The following XKR9 variants were observed in gnomAD, a reference collection of about 807,000 sequenced individuals.
The protein encoded by XKR9 is XK-related protein 9.
Under a neutral mutation model 32.0 loss-of-function variants are expected in XKR9, and 32 were observed. That is an observed-to-expected ratio of 1.00 (90% CI 0.76 to 1.34). The LOEUF (loss-of-function observed/expected upper bound fraction) is 1.34. Ranked by LOEUF, XKR9 falls within the 40% of genes most tolerant of loss-of-function variation. The probability of loss-of-function intolerance (pLI) is 0.00; values close to 1 mark genes in which losing one functional copy is unlikely to be tolerated. For missense variants in XKR9, 546 were observed against 429.7 expected, an observed-to-expected ratio of 1.27 and a Z score of -2.39; for synonymous variants, 168 against 143.4, an observed-to-expected ratio of 1.17 and a Z score of -1.22.
the XKR9 span, among the ~76,000 whole-genome samples, chr8:71,015,920 A>T: frequency 1.3e-5 from 2 of 152,184 alleles, no homozygotes; most frequent in Non-Finnish European, 2.9e-5. Flanking sequence ...TGTTTACTAT[A>T]TAGAAAAGGG....
chr8:70,793,130 T>G (rs563570007), downstream of XKR9, among the ~76,000 whole-genome samples: 1 of 152,248 alleles, frequency 6.6e-6, no homozygotes, highest in South Asian at 2.1e-4. Flanking sequence ...GGCATTCAAA[T>G]TCATTCTTTT....
At chr8:70,739,326 C>T (rs1563462476), downstream of XKR9, among the ~76,000 whole-genome samples, 2 of 152,140 alleles carry the variant, frequency 1.3e-5, no homozygotes, top group South Asian at 2.1e-4. Flanking sequence ...CTTGGTACAT[C>T]TTCCTCCATC....
chr8:71,049,235 T>C, the XKR9 span, among the ~76,000 whole-genome samples: 1 of 152,178 alleles, frequency 6.6e-6, no homozygotes. Flanking sequence ...TGGTATAACA[T>C]TGTACTTGAT....
chr8:70,863,036 T>G, the XKR9 span, among the ~76,000 whole-genome samples: 1 of 152,074 alleles, frequency 6.6e-6, no homozygotes, highest in Non-Finnish European at 1.5e-5. Context: ...AAGTTAGTGT[T>G]GTCAGCGTGC....
In XKR9 at chr8:70,734,559, ATAG is replaced by A. The variant is rs751042925; in HGVS notation, c.*141_*143del. 7.9e-5 allele frequency: 90 copies of A among 1,134,166 alleles called. No individual in the cohort carries two copies. The African/African-American group carries it at 1.1e-3, about 14-fold the overall frequency. The allele number at this position is 1,134,166 out of a possible 1,614,324, so 70.3% of individuals were successfully genotyped here. A position where few individuals can be genotyped will look rare whatever the true frequency, so the allele number is the denominator to read the frequency against. ...ATTAGTTCAGTGAAATAGGAGATAC[ATAG>A]TAGTATTTTATTTTTAAAATTAATT... On this transcript the variant is annotated 3_prime_UTR_variant, in exon 5 of 5. Coordinates refer to ENST00000408926, the MANE Select transcript of XKR9 (RefSeq NM_001011720.2).
chr8:71,031,055 T>G, the XKR9 span, among the ~76,000 whole-genome samples: 1 of 152,294 alleles, frequency 6.6e-6, no homozygotes, highest in South Asian at 2.1e-4. Flanking sequence ...TGTGTATAAC[T>G]TACCCTTCCA....
chr8:70,744,294 G>C (rs1025759837), intron 2 of XKR9, among the ~76,000 whole-genome samples: 2 of 144,788 alleles, frequency 1.4e-5, no homozygotes, highest in Non-Finnish European at 3.0e-5. Context: ...CTGGGTGACA[G>C]AGCGAGACTT....
intron 2 of XKR9, among the ~76,000 whole-genome samples, chr8:70,780,431 C>T (rs1586895886): frequency 6.6e-6 from 1 of 152,114 alleles, no homozygotes; most frequent in South Asian, 2.1e-4. Context: ...ATTGTGTTCT[C>T]ATTATTCTTT....
At chr8:70,926,996 T>C in the XKR9 span, among the ~76,000 whole-genome samples, 2 of 152,152 alleles carry the variant, frequency 1.3e-5, no homozygotes, top group Admixed American at 6.5e-5. Flanking sequence ...ATTTCATATG[T>C]ATAAAATAAA....
At chr8:71,021,566 G>T in the XKR9 span, among the ~76,000 whole-genome samples, 3 of 140,740 alleles carry the variant, frequency 2.1e-5, no homozygotes, top group Admixed American at 7.5e-5. Context: ...GCAGTGGCGC[G>T]ATCTCGACTC....
chr8:70,957,783 C>CTTTTTTTTT, the XKR9 span, among the ~76,000 whole-genome samples: 7 of 84,790 alleles, frequency 8.3e-5, no homozygotes, highest in Non-Finnish European at 1.6e-4. Context: ...TTCAGTCTAT[C>CTTTTTTTTT]TTTTTTTTTT....
At chr8:71,053,599 A>G in the XKR9 span, among the ~76,000 whole-genome samples, 4 of 151,678 alleles carry the variant, frequency 2.6e-5, no homozygotes, top group Non-Finnish European at 4.4e-5. Context: ...TCTGATTGAC[A>G]CCTACTCCCT....
chr8:70,965,312 G>A, the XKR9 span, among the ~76,000 whole-genome samples: 1 of 152,158 alleles, frequency 6.6e-6, no homozygotes. Context: ...TTATCATGGT[G>A]AATAAGCTTT....
chr8:70,981,034 T>C, the XKR9 span, among the ~76,000 whole-genome samples: 2 of 152,206 alleles, frequency 1.3e-5, no homozygotes, highest in Non-Finnish European at 2.9e-5. Flanking sequence ...TTTTCCTTTA[T>C]AGGTTACCTG....
intron 3 of XKR9, among the ~76,000 whole-genome samples, chr8:70,695,623 T>G (rs899621402): frequency 1.4e-4 from 21 of 152,020 alleles, no homozygotes; most frequent in African/African-American, 5.1e-4. Context: ...TTGTGAATAG[T>G]GCTGCAATAA....
At chr8:71,004,410 A>C in the XKR9 span, among the ~76,000 whole-genome samples, 1 of 152,192 alleles carries the variant, frequency 6.6e-6, no homozygotes, top group Non-Finnish European at 1.5e-5. Flanking sequence ...TATGTGAGGC[A>C]GGGTTGGCTT....
the XKR9 span, among the ~76,000 whole-genome samples, chr8:70,801,440 C>T: frequency 1.7e-3 from 257 of 152,224 alleles, 1 homozygote; most frequent in Middle Eastern, 3.4e-3. Context: ...CATTCAGGAG[C>T]AGGTTGTTTA....
chr8:70,885,352 A>G, the XKR9 span, among the ~76,000 whole-genome samples: 9,579 of 152,216 alleles, frequency 0.063, 421 homozygotes, highest in Non-Finnish European at 0.089. Context: ...TCTGTTGATT[A>G]TTAATAAAAC....
Position 70,697,362 on chromosome 8 carries a change from A to G in XKR9, c.273-9571A>G, listed in dbSNP as rs377345223. On this transcript the variant is annotated intron_variant, in intron 3 of 4. Coordinates refer to ENST00000408926, the MANE Select transcript of XKR9 (RefSeq NM_001011720.2). ...TATTATTTTGAGATATGTCCCATCA[A>G]TACCTAATTTATTGAGAGTTTTTAG... Among the ~76,000 whole-genome samples the G allele has an allele frequency of 5.3e-5, 8 of 150,894 alleles. No homozygotes were observed. The East Asian group carries it at 5.9e-4, about 11-fold the overall frequency.
Sources: allele counts gnomAD v4.1 joint callset (sites outside exome capture counted in the v4.1 genomes callset), GRCh38; gene constraint gnomAD v4.1.1; transcripts MANE v1.5; gene names NCBI Gene and HGNC (gene_info 2026-07-23, HGNC 2026-07-21).